GALNT9: variants seen among roughly 807,000 people sequenced by gnomAD.
GALNT9 encodes GalNAc transferase 9.
Under a neutral mutation model 63.1 loss-of-function variants are expected in GALNT9, and 47 were observed. That is an observed-to-expected ratio of 0.75 (90% confidence interval 0.59 to 0.95). The LOEUF is 0.95. GALNT9 is among the 40% of genes least tolerant of loss of function. GALNT9 has a pLI of 0.00. For missense variants in GALNT9, 829 were observed against 874.8 expected (o/e 0.95, Z 0.66); for synonymous variants, 396 against 365.7 (o/e 1.08, Z -0.94).
intron 6 of GALNT9, among the ~76,000 whole-genome samples, chr12:132,219,955 A>G (rs1251677425): frequency 6.6e-6 from 1 of 152,222 alleles, no homozygotes; most frequent in East Asian, 1.9e-4. Flanking sequence ...GGTAAGGGGA[A>G]GGGGCACCTC....
chr12:132,233,237 G>C (rs1877912778), intron 6 of GALNT9, among the ~76,000 whole-genome samples: 9 of 17,726 alleles, frequency 5.1e-4, no homozygotes, highest in South Asian at 5.2e-3. Flanking sequence ...CACTCGATGG[G>C]GCGACAGAGG....
chr12:132,286,127 TGGCGGGCGTGGGGGCCGCTCACTTCCCC>T lies in GALNT9; in HGVS notation c.419+95_419+122del, dbSNP rs1593105149. 6.9e-6 allele frequency: 6 copies of T among 868,320 alleles called. No homozygotes were observed. The East Asian group carries it at 2.8e-4, about 41-fold the overall frequency. The allele number at this position is 868,320 out of a possible 1,614,324, so 53.8% of individuals were successfully genotyped here. On this transcript the variant is annotated intron_variant, in intron 2 of 10. Transcript: ENST00000328957. This position sits in a 1 kb window ranked among gnomAD's most constrained non-coding sequence, Gnocchi z 7.4. ...CGGGCGTGGGGGGCGGTCACTTCCC[TGGCGGGCGTGGGGGCCGCTCACTTCCCC>T]GGCCGGCGTGGGGGGCAGTCACTTC...
intron 1 of GALNT9, among the ~76,000 whole-genome samples, chr12:132,299,900 C>T (rs1881227024): frequency 7.1e-6 from 1 of 141,104 alleles, no homozygotes; most frequent in African/African-American, 2.6e-5. Flanking sequence ...TCCCACCACA[C>T]CTAACCCATC....
chr12:132,298,106 G>C (rs1233650663), intron 1 of GALNT9, among the ~76,000 whole-genome samples: 3 of 151,810 alleles, frequency 2.0e-5, no homozygotes, highest in Non-Finnish European at 2.9e-5. Flanking sequence ...AGATAACCAA[G>C]TCATTCCCAA....
At chr12:132,242,440 G>A (rs878900518) in intron 6 of GALNT9, among the ~76,000 whole-genome samples, 6 of 4,020 alleles carry the variant, frequency 1.5e-3, no homozygotes, top group Admixed American at 2.1e-3. Context: ...CCCTTCCCGG[G>A]GCCCTCCCTA....
chr12:132,253,508 T>A (rs28488318), intron 5 of GALNT9, among the ~76,000 whole-genome samples: 10 of 149,088 alleles, frequency 6.7e-5, no homozygotes, highest in East Asian at 2.0e-4. Flanking sequence ...CCCTATACCC[T>A]CAGGTTATTC....
chr12:132,197,399 A>T, intron 10 of GALNT9, 146 bp from the exon 11 acceptor site: 1 of 1,233,492 alleles, frequency 8.1e-7, no homozygotes, highest in Non-Finnish European at 1.1e-6. Context: ...AGCAGCACCC[A>T]GGGGGGCCGG....
chr12:132,202,664 G>T (rs1876252237), intron 7 of GALNT9, among the ~76,000 whole-genome samples: 1 of 152,142 alleles, frequency 6.6e-6, no homozygotes, highest in African/African-American at 2.4e-5. Context: ...CATTAGGGTT[G>T]ATGCAGACAA....
At chr12:132,259,590 C>G (rs1879287635) in intron 4 of GALNT9, among the ~76,000 whole-genome samples, 1 of 152,158 alleles carries the variant, frequency 6.6e-6, no homozygotes, top group Non-Finnish European at 1.5e-5. Flanking sequence ...AGGGGAGAAG[C>G]CTGAGAGGTG....
rs575620891 is a variant in GALNT9 at position 132,196,808 on chromosome 12, C to T, written c.*299G>A. ...GGGGCTGTGGTACATGCAGAGGCGG[C>T]GGCTGTCCCAGCAGCCTGGCCAGGA... On this transcript the variant is annotated 3_prime_UTR_variant, in exon 11 of 11. Transcript: ENST00000328957. 1.5e-5 allele frequency: 18 copies of T among 1,172,784 alleles called. No individual in the cohort carries two copies. Among genetic ancestry groups the T allele is most frequent in the African/African-American group, 3.2e-5 (2 of 62,436 alleles). 72.6% of individuals were successfully genotyped at this position (1,172,784 alleles called of 1,614,324 possible).
intron 6 of GALNT9, chr12:132,240,722 C>G: frequency 2.2e-6 from 1 of 455,924 alleles, no homozygotes; most frequent in Non-Finnish European, 4.4e-6. Context: ...TGGAACCCTT[C>G]TGTTTCCTGG....
At chr12:132,228,301 C>T (rs1877771376) in intron 6 of GALNT9, among the ~76,000 whole-genome samples, 11 of 151,984 alleles carry the variant, frequency 7.2e-5, no homozygotes, top group African/African-American at 4.8e-5. Context: ...CCTCTGACCC[C>T]GGCACTCCCT....
chr12:132,215,670 A>G (rs1877152667), intron 6 of GALNT9, among the ~76,000 whole-genome samples: 2 of 152,200 alleles, frequency 1.3e-5, no homozygotes, highest in South Asian at 4.1e-4. Flanking sequence ...ACACATGCCA[A>G]CCAGCACCCG....
intron 6 of GALNT9, among the ~76,000 whole-genome samples, chr12:132,207,339 T>C (rs887094812): frequency 2.0e-5 from 3 of 152,226 alleles, no homozygotes; most frequent in Non-Finnish European, 4.4e-5. Context: ...AGGTGCTTGA[T>C]AAATAGCTGC....
At chr12:132,299,987 C>A (rs1176237352) in intron 1 of GALNT9, among the ~76,000 whole-genome samples, 1 of 146,860 alleles carries the variant, frequency 6.8e-6, no homozygotes, top group Non-Finnish European at 1.5e-5. Flanking sequence ...CTAACCCACC[C>A]CTCAGATGAC....
rs1345353724 is a variant in GALNT9, at chr12:132,310,733, A to G, written c.238+18233T>C. ...AAATTGAGAGGCGGCCGGGCACAAG[A>G]TAATCGGGGAGGAAGGGGCAGAGGG... On this transcript the variant is annotated intron_variant, in intron 1 of 10. Coordinates refer to ENST00000328957, the MANE Select transcript of GALNT9 (RefSeq NM_001122636.2). The surrounding 1 kb of genome is among the most constrained non-coding windows in gnomAD (Gnocchi z 4.8). Among the ~76,000 whole-genome samples the G allele has an allele frequency of 6.6e-6, 1 of 152,148 alleles. No individual in the cohort carries two copies. Among genetic ancestry groups the G allele is most frequent in the Non-Finnish European group, 1.5e-5 (1 of 68,024 alleles).
In GALNT9 at chr12:132,286,586, C is replaced by A; in HGVS notation, c.239-156G>T. ...TGGCAGGCTGCCAGCTCAGGACATT[C>A]CAGAAAGTGCAAGGCTGTGCGCGGA... On this transcript the variant is annotated intron_variant, in intron 1 of 10. Transcript: ENST00000328957. This position sits in a 1 kb window ranked among gnomAD's most constrained non-coding sequence, Gnocchi z 7.4. The A allele has an allele frequency of 2.4e-6, 3 of 1,260,560 alleles. No individual in the cohort carries two copies. The highest frequency in any genetic ancestry group is 2.8e-4 in the Middle Eastern group (1 of 3,580). 78.1% of individuals were successfully genotyped at this position (1,260,560 alleles called of 1,614,324 possible).
chr12:132,304,589 G>A lies in GALNT9; in HGVS notation c.239-18159C>T, dbSNP rs189706592. ...CCGGGGCACACCCTCGCCCGGACAC[G>A]CCCTCACCCGGGCACAGCCTCACCC... On this transcript the variant is annotated intron_variant, in intron 1 of 10. Transcript: ENST00000328957. Among the ~76,000 whole-genome samples the A allele has an allele frequency of 0.044, 320 of 7,342 alleles. 21 individuals are homozygous for A. In the East Asian group the frequency reaches 0.5, roughly 11 times the overall value. 4.8% of individuals were successfully genotyped at this position (7,342 alleles called of 152,430 possible).
rs372768025 is a variant in GALNT9 at position 132,282,404 on chromosome 12, CGTGTGTGCGT to C, written c.419+3836_419+3845del. ...AAAAAACTAAAAATACGTGTGTGCGCGTGTGTGCGTGTGTGTGCGTGTGTGCGTGCATGCG... is the reference window on the plus strand; with the variant it reads ...AAAAAACTAAAAATACGTGTGTGCGCGTGTGTGCGTGTGTGCGTGCATGCG... On this transcript the variant is annotated intron_variant, in intron 2 of 10. Coordinates refer to ENST00000328957, the MANE Select transcript of GALNT9 (RefSeq NM_001122636.2). This position sits in a 1 kb window ranked among gnomAD's most constrained non-coding sequence, Gnocchi z 4.5. Among the ~76,000 whole-genome samples the C allele has an allele frequency of 0.013, 1,985 of 149,570 alleles. 39 individuals carry two copies. Among genetic ancestry groups the C allele is most frequent in the South Asian group, 0.11 (517 of 4,800 alleles).
Sources: gnomAD v4.1 joint callset for allele counts (sites outside exome capture counted in the v4.1 genomes callset) on GRCh38, gnomAD v4.1.1 for gene constraint, Gnocchi (gnomAD v3.1) non-coding constraint, MANE v1.5 for transcripts, NCBI Gene and HGNC (gene_info 2026-07-23, HGNC 2026-07-21) for gene names.